EPHB1: variants seen among roughly 807,000 people sequenced by gnomAD.
EPHB1 encodes EPH receptor B1.
EPHB1 carries 30 observed loss-of-function variants against 94.4 expected under a neutral mutation model. The observed-to-expected ratio is 0.32, with a 90% confidence interval of 0.24 to 0.43. The LOEUF is 0.43. Among genes scored for constraint, EPHB1 ranks in the 20% least tolerant of loss-of-function variants. EPHB1 has a pLI of 1.00. For missense variants in EPHB1, 1,055 were observed against 1,308.3 expected (o/e 0.81, Z 2.99); for synonymous variants, 522 against 489.1 (o/e 1.07, Z -0.89).
At chr3:135,173,016 T>A (rs76431457) in intron 9 of EPHB1, among the ~76,000 whole-genome samples, 3 of 151,814 alleles carry the variant, frequency 2.0e-5, no homozygotes, top group Non-Finnish European at 2.9e-5. Context: ...GATGTTAAGC[T>A]TTTTTTCTGA....
intron 12 of EPHB1, among the ~76,000 whole-genome samples, chr3:135,229,134 C>G (rs1467050452): frequency 2.6e-5 from 4 of 152,222 alleles, no homozygotes; most frequent in Non-Finnish European, 5.9e-5. Context: ...CCATCCCTCA[C>G]CACCACCAGA....
intron 9 of EPHB1, among the ~76,000 whole-genome samples, chr3:135,168,467 T>A (rs1941711044): frequency 6.6e-6 from 1 of 152,234 alleles, no homozygotes; most frequent in South Asian, 2.1e-4. Context: ...TCCTTTCCTA[T>A]GGCCGGACTG....
intron 3 of EPHB1, among the ~76,000 whole-genome samples, chr3:135,042,023 C>T (rs572126424): frequency 6.6e-6 from 1 of 152,322 alleles, no homozygotes; most frequent in African/African-American, 2.4e-5. Context: ...CAGCCCCGAT[C>T]TCCTGGGCAG....
chr3:134,802,280 A>G (rs78594653), intron 1 of EPHB1, among the ~76,000 whole-genome samples: 1 of 151,962 alleles, frequency 6.6e-6, no homozygotes, highest in East Asian at 1.9e-4. Context: ...GCTAAAAAAA[A>G]CAAAAAAACA....
intron 3 of EPHB1, among the ~76,000 whole-genome samples, chr3:135,030,949 G>A (rs1214547410): frequency 1.3e-5 from 2 of 152,204 alleles, no homozygotes; most frequent in Non-Finnish European, 2.9e-5. Context: ...AAGCCCGTCG[G>A]AAAAGCGCAG....
Position 135,192,618 on chromosome 3 carries a change from G to A in EPHB1, c.1925G>A (p.Gly642Asp), listed in dbSNP as rs768101201. Residue 642 changes from glycine (G) to aspartate (D), a missense_variant, in exon 11 of 16, where the codon GGC becomes GAC. Physicochemically the swap from Gly to Asp is moderately conservative, Grantham distance 94 (BLOSUM62 -1). Transcript: ENST00000398015. Reference sequence around the variant, plus strand: ...TACAAGGGGCGTTTGAAACTGCCAGGCAAGAGGGAAATCTACGTGGCCATC... The same window carrying A: ...TACAAGGGGCGTTTGAAACTGCCAGACAAGAGGGAAATCTACGTGGCCATC... ...EVYKGRLKLP[G>D]KREIYVAIKT... The A allele has an allele frequency of 1.2e-6, 2 of 1,613,986 alleles. No homozygotes were observed. The highest frequency in any genetic ancestry group is 1.6e-4 in the Middle Eastern group (1 of 6,062).
At chr3:134,811,739 CA>C (rs34873553) in intron 1 of EPHB1, among the ~76,000 whole-genome samples, 17,579 of 152,188 alleles carry the variant, frequency 0.12, 2,454 homozygotes, top group African/African-American at 0.33. Flanking sequence ...GATCTAAACA[CA>C]ATAAACCTGG....
chr3:134,827,363 G>GCACACACACA (rs61002729), intron 1 of EPHB1, among the ~76,000 whole-genome samples: 1 of 150,872 alleles, frequency 6.6e-6, no homozygotes, highest in East Asian at 2.0e-4. Context: ...GGGTGCGCGT[G>GCACACACACA]CACACACACA....
intron 3 of EPHB1, among the ~76,000 whole-genome samples, chr3:134,960,513 T>C (rs1203056868): frequency 6.6e-6 from 1 of 152,166 alleles, no homozygotes. Context: ...CAGAAGAGTA[T>C]GGCTGGGTAT....
chr3:134,846,585 T>A (rs2036876294), intron 1 of EPHB1, among the ~76,000 whole-genome samples: 1 of 152,174 alleles, frequency 6.6e-6, no homozygotes, highest in Admixed American at 6.5e-5. Context: ...TCCCCCTTCT[T>A]CTCCACGGAG....
chr3:135,129,282 G>T lies in EPHB1; in HGVS notation c.962-3432G>T, dbSNP rs551274196. Reference sequence around the variant, plus strand: ...AAATGAACAGACATGGAGCAGCATCGACAAGGGTGGGTCTTCCCAGCTGTC... The same window carrying T: ...AAATGAACAGACATGGAGCAGCATCTACAAGGGTGGGTCTTCCCAGCTGTC... On this transcript the variant is annotated intron_variant, in intron 4 of 15. Coordinates refer to ENST00000398015, the MANE Select transcript of EPHB1 (RefSeq NM_004441.5). Among the ~76,000 whole-genome samples, 5 of 152,194 alleles carry T rather than the reference G, an allele frequency of 3.3e-5. No individual in the cohort carries two copies. In the East Asian group the frequency reaches 7.7e-4, roughly 24 times the overall value.
At chr3:135,122,707 A>G (rs979382846) in intron 4 of EPHB1, among the ~76,000 whole-genome samples, 2 of 152,176 alleles carry the variant, frequency 1.3e-5, no homozygotes, top group African/African-American at 4.8e-5. Flanking sequence ...TGTATAATCT[A>G]CTTCCTTTCT....
intron 2 of EPHB1, among the ~76,000 whole-genome samples, chr3:134,935,270 G>A (rs1437232454): frequency 1.3e-5 from 2 of 152,168 alleles, no homozygotes; most frequent in African/African-American, 4.8e-5. Context: ...GCATTAGAAG[G>A]AGAGTGAGGA....
intron 4 of EPHB1, among the ~76,000 whole-genome samples, chr3:135,125,486 G>A (rs1940161207): frequency 6.6e-6 from 1 of 152,062 alleles, no homozygotes; most frequent in Non-Finnish European, 1.5e-5. Flanking sequence ...AGGGAATGAT[G>A]GAAAAGGAAT....
intron 1 of EPHB1, among the ~76,000 whole-genome samples, chr3:134,896,514 T>C (rs993885341): frequency 6.6e-6 from 1 of 152,238 alleles, no homozygotes; most frequent in African/African-American, 2.4e-5. Context: ...AGACAGTGAT[T>C]ATTTCCACCC....
At chr3:134,904,566 C>T (rs1417735728) in intron 1 of EPHB1, among the ~76,000 whole-genome samples, 1 of 152,108 alleles carries the variant, frequency 6.6e-6, no homozygotes, top group Non-Finnish European at 1.5e-5. Context: ...TTTACACTTG[C>T]TGAGCCAGCG....
At chr3:135,209,185 T>C (rs1942974622) in intron 12 of EPHB1, among the ~76,000 whole-genome samples, 1 of 152,224 alleles carries the variant, frequency 6.6e-6, no homozygotes, top group African/African-American at 2.4e-5. Flanking sequence ...AGAATGATGA[T>C]GTTAGAAACT....
rs781284396 is a variant in EPHB1 at position 135,219,448 on chromosome 3, G to A, written c.2346+17759G>A. ...ACACACAAGGAGAAGATGGCCATGT[G>A]ATGGCAGAGGCAGAGGTTGGGTGAT... On this transcript the variant is annotated intron_variant, in intron 12 of 15. Transcript: ENST00000398015. Among the ~76,000 whole-genome samples the A allele has an allele frequency of 2.8e-4, 42 of 152,042 alleles. 1 individual carries two copies. The highest frequency in any genetic ancestry group is 6.2e-4 in the South Asian group (3 of 4,810).
rs141787899 is a variant in EPHB1 at position 135,260,393 on chromosome 3, C to G, written c.*1273C>G. 1 of 229,962 alleles carries G rather than the reference C, an allele frequency of 4.3e-6. No homozygotes were observed. The highest frequency in any genetic ancestry group is 5.7e-5 in the Admixed American group (1 of 17,668). The allele number at this position is 229,962 out of a possible 1,614,324, so 14.2% of individuals were successfully genotyped here. A position where few individuals can be genotyped will look rare whatever the true frequency, so the allele number is the denominator to read the frequency against. ...AACATTTAATTATTTTAAATTTCTC[C>G]TTTTACCTTAATCTCCTTGCTAATT... On this transcript the variant is annotated 3_prime_UTR_variant, in exon 16 of 16. Transcript: ENST00000398015.
Sources: gnomAD v4.1 joint callset for allele counts (sites outside exome capture counted in the v4.1 genomes callset) on GRCh38, gnomAD v4.1.1 for gene constraint, MANE v1.5 for transcripts, NCBI Gene and HGNC (gene_info 2026-07-23, HGNC 2026-07-21) for gene names.